DIP2A: variants seen among roughly 807,000 people sequenced by gnomAD.
DIP2A encodes DIP2 acetate--CoA ligase A, also known as disco-interacting protein 2 homolog A.
DIP2A carries 85 observed loss-of-function variants against 177.4 expected under a neutral mutation model. That is an observed-to-expected ratio of 0.48 (90% CI 0.40 to 0.57). The LOEUF (loss-of-function observed/expected upper bound fraction) is 0.57. Ranked by LOEUF, DIP2A falls within the 20% of genes least tolerant of loss-of-function variation. The pLI, the probability that DIP2A is intolerant of heterozygous loss-of-function variation, is 0.00. For synonymous variants in DIP2A, 886 were observed against 881.8 expected, an observed-to-expected ratio of 1.00 and a Z score of -0.08; for missense variants, 1,791 against 2,100.2, an observed-to-expected ratio of 0.85 and a Z score of 2.88.
At position 46,506,274 on chromosome 21, in the gene DIP2A, C is replaced by T. The variant is rs990125551; in HGVS notation, c.784+1785C>T. Among the ~76,000 whole-genome samples the T allele has an allele frequency of 1.1e-4, 16 of 151,996 alleles. No homozygotes were observed. The South Asian group carries it at 1.3e-3, about 12-fold the overall frequency. On this transcript the variant is annotated intron_variant, in intron 6 of 37. Coordinates refer to ENST00000417564, the MANE Select transcript of DIP2A (RefSeq NM_015151.4). The stretch of plus-strand genomic sequence containing the variant: ...CTGGGATTACAGGCATGTGCCACCA[C>T]GCCCAGTTAATTTTTGCATTTTCAG...
chr21:46,513,580 T>A (rs2058411354), intron 8 of DIP2A, among the ~76,000 whole-genome samples: 1 of 152,180 alleles, frequency 6.6e-6, no homozygotes, highest in South Asian at 2.1e-4. Context: ...AACTTTAGAA[T>A]TAACTTGTCA....
intron 1 of DIP2A, among the ~76,000 whole-genome samples, chr21:46,465,334 G>A (rs935135020): frequency 1.5e-4 from 23 of 152,186 alleles, no homozygotes; most frequent in African/African-American, 4.3e-4. Flanking sequence ...TTGGGAGGCC[G>A]AGGTGGTTGG....
chr21:46,559,587 C>T (rs1278832282), intron 32 of DIP2A, among the ~76,000 whole-genome samples: 4 of 152,180 alleles, frequency 2.6e-5, no homozygotes, highest in African/African-American at 4.8e-5. Flanking sequence ...GCGTGGGTGC[C>T]GGCCTTTGTG....
Position 46,545,139 on chromosome 21 carries a change from A to G in DIP2A, c.2179A>G (p.Asn727Asp). ...QDVGQVMPGA[N>D]VCVVKLEGTP... is the part of the protein sequence containing the mutation. ...TTGAGTTTTTTTTCTCATTTTAGCT[A>G]ATGTATGTGTTGTGAAGTTAGAAGG... The change falls in exon 19 of 38, where the codon AAT becomes GAT. Residue 727 changes from asparagine to aspartate, a missense_variant and splice_region_variant. By Grantham distance (23) the Asn-to-Asp change is conservative. Coordinates refer to ENST00000417564, the MANE Select transcript of DIP2A (RefSeq NM_015151.4). 4 of 1,572,664 alleles carry G rather than the reference A, an allele frequency of 2.5e-6. No homozygotes were observed. In the South Asian group the frequency reaches 4.6e-5, roughly 18 times the overall value.
chr21:46,507,601 G>A (rs895857093), intron 6 of DIP2A, among the ~76,000 whole-genome samples: 4 of 144,930 alleles, frequency 2.8e-5, no homozygotes, highest in Admixed American at 7.0e-5. Context: ...CTTACACCTC[G>A]TATAGCCATG....
intron 1 of DIP2A, among the ~76,000 whole-genome samples, chr21:46,474,970 T>C (rs1403808388): frequency 6.6e-6 from 1 of 152,118 alleles, no homozygotes; most frequent in Non-Finnish European, 1.5e-5. Flanking sequence ...GGATATGGTT[T>C]TCATCGGTTT....
chr21:46,469,007 G>A (rs2055115279), intron 1 of DIP2A: 2 of 152,142 alleles, frequency 1.3e-5, no homozygotes, highest in South Asian at 4.1e-4. Flanking sequence ...TTCTACTAAA[G>A]CCCCCTTCTC....
At chr21:46,459,858 A>G (rs1297602171) in intron 1 of DIP2A, among the ~76,000 whole-genome samples, 1 of 152,034 alleles carries the variant, frequency 6.6e-6, no homozygotes. Flanking sequence ...GGCTTTGACT[A>G]GGTCGTTTGG....
At chr21:46,482,674 C>G (rs1314326737) in intron 1 of DIP2A, among the ~76,000 whole-genome samples, 1 of 152,158 alleles carries the variant, frequency 6.6e-6, no homozygotes, top group Non-Finnish European at 1.5e-5. Flanking sequence ...CCCTTGTGCA[C>G]TACTCATCTT....
intron 12 of DIP2A, 21 bp downstream of exon 12, chr21:46,534,134 A>T: frequency 6.3e-7 from 1 of 1,575,026 alleles, no homozygotes; most frequent in Non-Finnish European, 8.7e-7. Flanking sequence ...TTCCTAACTT[A>T]GAGAATGTAA....
chr21:46,492,970 T>G (rs1250746477), intron 3 of DIP2A, among the ~76,000 whole-genome samples: 3 of 150,406 alleles, frequency 2.0e-5, no homozygotes, highest in East Asian at 3.9e-4. Flanking sequence ...GCACTAGAGC[T>G]TGCTGGCCCC....
chr21:46,462,397 G>A (rs2148221112), intron 1 of DIP2A: 1 of 152,260 alleles, frequency 6.6e-6, no homozygotes, highest in South Asian at 2.1e-4. Context: ...AATCTCCTGT[G>A]GATTACAATG....
intron 8 of DIP2A, among the ~76,000 whole-genome samples, chr21:46,526,138 G>T (rs1319540378): frequency 6.6e-6 from 1 of 151,768 alleles, no homozygotes; most frequent in Non-Finnish European, 1.5e-5. Flanking sequence ...TCGAACTCCA[G>T]ACCTCAGGTG....
rs186396154 is a variant in DIP2A, at chr21:46,461,594, C to T, written c.91+2372C>T. ...TCCTCAAAGAACTTTATAATTTGTG[C>T]GACAGAACACAAGTACTTAAATGAA... On this transcript the variant is annotated intron_variant, in intron 1 of 37. Transcript: ENST00000417564. Among the ~76,000 whole-genome samples the T allele has an allele frequency of 5.3e-5, 8 of 152,158 alleles. No homozygotes were observed. In the East Asian group the frequency reaches 9.6e-4, roughly 18 times the overall value.
At chr21:46,470,795 G>A (rs1201268930) in intron 1 of DIP2A, among the ~76,000 whole-genome samples, 1 of 150,776 alleles carries the variant, frequency 6.6e-6, no homozygotes, top group East Asian at 2.0e-4. Context: ...CAGGCATGGT[G>A]GTGGGCACCT....
the DIP2A span, among the ~76,000 whole-genome samples, chr21:46,576,434 TC>T: frequency 6.6e-6 from 1 of 152,274 alleles, no homozygotes; most frequent in South Asian, 2.1e-4. Flanking sequence ...TCCATCCATC[TC>T]CCTGCAGAGA....
In DIP2A at chr21:46,483,658, G is replaced by C. The variant is rs8129074; in HGVS notation, c.92-1099G>C. On this transcript the variant is annotated intron_variant, in intron 1 of 37. Transcript: ENST00000417564. ...AGATGTCAGATATTCAACGGTGTCA[G>C]TCTGTTCACACAACAAATCCTACAA... 6.3e-3 allele frequency among the ~76,000 whole-genome samples: 956 copies of C among 152,344 alleles called. 13 individuals carry two copies. Among genetic ancestry groups the C allele is most frequent in the African/African-American group, 0.022 (919 of 41,574 alleles).
chr21:46,581,759 C>T, the DIP2A span, among the ~76,000 whole-genome samples: 6 of 152,144 alleles, frequency 3.9e-5, no homozygotes, highest in African/African-American at 9.7e-5. Context: ...CCCTCCTGCA[C>T]CTGGAAGTGT....
Position 46,459,059 on chromosome 21 carries a change from A to G in DIP2A, c.-73A>G. 3 of 1,265,826 alleles carry G rather than the reference A, an allele frequency of 2.4e-6. No homozygotes were observed. The highest frequency in any genetic ancestry group is 2.1e-6 in the Non-Finnish European group (2 of 966,406). 78.4% of individuals were successfully genotyped at this position (1,265,826 alleles called of 1,614,324 possible). A position where few individuals can be genotyped will look rare whatever the true frequency, so the allele number is the denominator to read the frequency against. Reference sequence around the variant, plus strand: ...GTTGTTGGCCTGAGGGGAGCTACGTAGCCGAGGTTTGCGCTGCCGCCGCCA... The same window carrying G: ...GTTGTTGGCCTGAGGGGAGCTACGTGGCCGAGGTTTGCGCTGCCGCCGCCA... On this transcript the variant is annotated 5_prime_UTR_variant, in exon 1 of 38. Transcript: ENST00000417564.
Sources: gnomAD v4.1 joint callset for allele counts (sites outside exome capture counted in the v4.1 genomes callset) on GRCh38, gnomAD v4.1.1 for gene constraint, MANE v1.5 for transcripts, NCBI Gene and HGNC (gene_info 2026-07-23, HGNC 2026-07-21) for gene names.